The following PRKAR2B variants were observed in gnomAD, a reference collection of about 807,000 sequenced individuals.
The protein encoded by PRKAR2B is cAMP-dependent protein kinase type II-beta regulatory subunit.
A neutral mutation model predicts 49.9 loss-of-function variants in PRKAR2B; 14 were observed. The observed-to-expected ratio is 0.28, with a 90% confidence interval of 0.19 to 0.44. The LOEUF (loss-of-function observed/expected upper bound fraction) is 0.44, where lower values mean the gene tolerates loss of function less well. Among genes scored for constraint, PRKAR2B ranks in the 20% least tolerant of loss-of-function variants. PRKAR2B has a pLI of 1.00. For synonymous variants in PRKAR2B, 196 were observed against 197.7 expected, an observed-to-expected ratio of 0.99 and a Z score of 0.07; for missense variants, 393 against 537.9, an observed-to-expected ratio of 0.73 and a Z score of 2.67.
intron 2 of PRKAR2B, among the ~76,000 whole-genome samples, chr7:107,099,415 C>T (rs1794912513): frequency 6.6e-6 from 1 of 152,150 alleles, no homozygotes; most frequent in African/African-American, 2.4e-5. Context: ...TACTGTCTGT[C>T]ATGGCTTCCT....
intron 2 of PRKAR2B, among the ~76,000 whole-genome samples, chr7:107,080,468 C>T (rs1464830317): frequency 6.6e-6 from 1 of 152,132 alleles, no homozygotes; most frequent in East Asian, 1.9e-4. Context: ...TTGCCAGGGA[C>T]TACACTAGGC....
chr7:107,117,712 G>T (rs1795302429), intron 2 of PRKAR2B, among the ~76,000 whole-genome samples: 1 of 152,146 alleles, frequency 6.6e-6, no homozygotes, highest in Non-Finnish European at 1.5e-5. Flanking sequence ...AATCCTGGAA[G>T]TTGAATAATC....
chr7:107,156,594 A>G (rs1242744625), intron 8 of PRKAR2B, among the ~76,000 whole-genome samples: 1 of 152,174 alleles, frequency 6.6e-6, no homozygotes, highest in Non-Finnish European at 1.5e-5. Context: ...TCTCGAGGTC[A>G]GGAGATCAAG....
chr7:107,109,182 T>C (rs1489691293), intron 2 of PRKAR2B, among the ~76,000 whole-genome samples: 1 of 152,200 alleles, frequency 6.6e-6, no homozygotes, highest in Non-Finnish European at 1.5e-5. Flanking sequence ...GGGAATGTCT[T>C]ATGCAAATGA....
chr7:107,100,823 C>CTT (rs1390181928), intron 2 of PRKAR2B, among the ~76,000 whole-genome samples: 65 of 139,258 alleles, frequency 4.7e-4, no homozygotes, highest in African/African-American at 1.7e-3. Context: ...CCAGAACTTG[C>CTT]TTTTTTTTTT....
chr7:107,142,617 TGGTTCAGATCACCCA>T (rs1490140130), intron 5 of PRKAR2B, among the ~76,000 whole-genome samples: 1 of 152,190 alleles, frequency 6.6e-6, no homozygotes, highest in African/African-American at 2.4e-5. Context: ...TGACAGCACT[TGGTTCAGATCACCCA>T]AATGACTGGC....
chr7:107,128,304 A>C lies in PRKAR2B; in HGVS notation c.480+9A>C. The C allele has an allele frequency of 6.3e-7, 1 of 1,586,036 alleles. No homozygotes were observed. Among genetic ancestry groups the C allele is most frequent in the African/African-American group, 1.3e-5 (1 of 74,440 alleles). On this transcript the variant is annotated intron_variant, in intron 4 of 10. Coordinates refer to ENST00000265717, the MANE Select transcript of PRKAR2B (RefSeq NM_002736.3). ...TTAAGAATCTGGATCCGGTAAGATA[A>C]ATCTTAATAATAGAAATGGCTTTGT...
intron 7 of PRKAR2B, among the ~76,000 whole-genome samples, chr7:107,151,758 C>A (rs1258210341): frequency 2.6e-5 from 4 of 152,122 alleles, no homozygotes; most frequent in Non-Finnish European, 4.4e-5. Flanking sequence ...GCTGGCTGGG[C>A]GTTGTGGCTC....
intron 2 of PRKAR2B, among the ~76,000 whole-genome samples, chr7:107,098,361 AG>A (rs1406397603): frequency 6.6e-6 from 1 of 152,172 alleles, no homozygotes; most frequent in Non-Finnish European, 1.5e-5. Context: ...CAGCTCCATC[AG>A]GTCATTTAAG....
intron 1 of PRKAR2B, chr7:107,069,889 G>A (rs1356222620): frequency 6.4e-6 from 1 of 155,050 alleles, no homozygotes; most frequent in Non-Finnish European, 1.4e-5. Flanking sequence ...TCCTTCACTA[G>A]TAGTACTTCT....
chr7:107,089,663 G>A (rs2116798248), intron 2 of PRKAR2B, among the ~76,000 whole-genome samples: 1 of 152,296 alleles, frequency 6.6e-6, no homozygotes, highest in Non-Finnish European at 1.5e-5. Context: ...CCAGGCAGTG[G>A]TTCTGAAATA....
At chr7:107,087,199 G>T (rs1794636843) in intron 2 of PRKAR2B, among the ~76,000 whole-genome samples, 1 of 151,392 alleles carries the variant, frequency 6.6e-6, no homozygotes, top group African/African-American at 2.4e-5. Flanking sequence ...GAACATTTAT[G>T]TAATTCACAT....
At chr7:107,146,164 A>T (rs1248444203) in intron 5 of PRKAR2B, 144 bp from the exon 6 acceptor site, 2 of 808,272 alleles carry the variant, frequency 2.5e-6, no homozygotes, top group Non-Finnish European at 3.8e-6. Flanking sequence ...AACAGATGGC[A>T]CAGATTGATT....
At chr7:107,120,163 C>T (rs777121238) in intron 2 of PRKAR2B, among the ~76,000 whole-genome samples, 2 of 152,256 alleles carry the variant, frequency 1.3e-5, no homozygotes, top group African/African-American at 2.4e-5. Flanking sequence ...TTCTCAGCCT[C>T]GGTACTGTTG....
chr7:107,157,441 G>A lies in PRKAR2B; in HGVS notation c.1123+117G>A, dbSNP rs1396609702. ...ACAGGTTTTGTGGTCCCCACAAAAG[G>A]TAACAAGATTAGGACTCATTGCCTT... On this transcript the variant is annotated intron_variant, in intron 10 of 10. Transcript: ENST00000265717. 19 of 1,328,514 alleles carry A rather than the reference G, an allele frequency of 1.4e-5. No homozygotes were observed. The East Asian group carries it at 3.6e-4, about 25-fold the overall frequency. 82.3% of individuals were successfully genotyped at this position (1,328,514 alleles called of 1,614,324 possible).
Position 107,045,217 on chromosome 7 carries a change from G to A in PRKAR2B, c.307+3G>A, listed in dbSNP as rs974459119. ...CGCGGACGCAGGGGCGTTCAATGGT[G>A]AGGACCAGACCCCCCACTTCGCGCC... On this transcript the variant is annotated splice_donor_region_variant and intron_variant, in intron 1 of 10. Transcript: ENST00000265717. 2 of 1,440,700 alleles carry A rather than the reference G, an allele frequency of 1.4e-6. No individual in the cohort carries two copies. Among genetic ancestry groups the A allele is most frequent in the East Asian group, 2.6e-5 (1 of 38,196 alleles). The allele number at this position is 1,440,700 out of a possible 1,614,324, so 89.2% of individuals were successfully genotyped here.
In PRKAR2B at chr7:107,102,644, G is replaced by A. The variant is rs1010683374; in HGVS notation, c.344-19308G>A. Among the ~76,000 whole-genome samples, 3 of 152,080 alleles carry A rather than the reference G, an allele frequency of 2.0e-5. No individual in the cohort carries two copies. The South Asian group carries it at 6.2e-4, about 32-fold the overall frequency. ...ATTAGGTTTTCCTCATTTTCATCAA[G>A]AATATATTTATAAAGGAAGAAAAGA... On this transcript the variant is annotated intron_variant, in intron 2 of 10. Coordinates refer to ENST00000265717, the MANE Select transcript of PRKAR2B (RefSeq NM_002736.3).
chr7:107,072,315 AATAAT>A (rs1252081150), intron 2 of PRKAR2B, among the ~76,000 whole-genome samples: 1 of 152,024 alleles, frequency 6.6e-6, no homozygotes, highest in Non-Finnish European at 1.5e-5. Flanking sequence ...TTGTTATCCC[AATAAT>A]ATAATATGCT....
At chr7:107,090,403 T>C (rs1794714973) in intron 2 of PRKAR2B, among the ~76,000 whole-genome samples, 1 of 152,190 alleles carries the variant, frequency 6.6e-6, no homozygotes, top group African/African-American at 2.4e-5. Context: ...GCATTCTAAT[T>C]AGCCCAGCTA....
Sources: gnomAD v4.1 joint callset for allele counts (sites outside exome capture counted in the v4.1 genomes callset) on GRCh38, gnomAD v4.1.1 for gene constraint, MANE v1.5 for transcripts, NCBI Gene and HGNC (gene_info 2026-07-23, HGNC 2026-07-21) for gene names.